The following LPP variants were observed in gnomAD, a reference collection of about 807,000 sequenced individuals.
The protein encoded by LPP is lipoma-preferred partner.
In LPP, 38 loss-of-function variants were observed where a neutral mutation model predicts 60.4. The observed-to-expected ratio is 0.63, with a 90% CI of 0.49 to 0.83. The LOEUF (loss-of-function observed/expected upper bound fraction) is 0.83. Among genes scored for constraint, LPP ranks in the 40% least tolerant of loss-of-function variants. LPP has a pLI of 0.00. For synonymous variants in LPP, 328 were observed against 290.8 expected (o/e 1.13, Z -1.30); for missense variants, 902 against 783.6 (o/e 1.15, Z -1.80).
intron 4 of LPP, among the ~76,000 whole-genome samples, chr3:188,420,134 T>G (rs901969893): frequency 2.6e-5 from 4 of 152,124 alleles, no homozygotes; most frequent in Admixed American, 2.0e-4. Context: ...ATATAGCTCA[T>G]GCTGACCATT....
intron 9 of LPP, among the ~76,000 whole-genome samples, chr3:188,769,571 G>A (rs754287653): frequency 2.0e-5 from 3 of 152,174 alleles, no homozygotes; most frequent in Non-Finnish European, 2.9e-5. Context: ...GCTTTTTAAA[G>A]TCCAGCAGGA....
intron 9 of LPP, among the ~76,000 whole-genome samples, chr3:188,813,601 A>G (rs1751673237): frequency 1.3e-5 from 2 of 152,144 alleles, no homozygotes; most frequent in Non-Finnish European, 2.9e-5. Context: ...ATTCTCTTGT[A>G]GTTGCATTAC....
intron 1 of LPP, among the ~76,000 whole-genome samples, chr3:188,175,130 AG>A (rs1368586105): frequency 2.0e-5 from 3 of 152,302 alleles, no homozygotes; most frequent in Admixed American, 2.0e-4. Flanking sequence ...TCTGTCGCTC[AG>A]CCTGGAGTGC....
At position 188,511,731 on chromosome 3, in the gene LPP, C is replaced by T. The variant is rs79708018; in HGVS notation, c.307-12934C>T. Among the ~76,000 whole-genome samples the T allele has an allele frequency of 7.9e-3, 1,202 of 152,222 alleles. 17 individuals are homozygous for T. Among genetic ancestry groups the T allele is most frequent in the African/African-American group, 0.028 (1,144 of 41,518 alleles). The stretch of plus-strand genomic sequence containing the variant: ...CAGGAATAATAACATCTACTAATCT[C>T]TAGGATTGCTGGAATAGCTCGATGA... On this transcript the variant is annotated intron_variant, in intron 5 of 11. Coordinates refer to ENST00000617246, the MANE Select transcript of LPP (RefSeq NM_001375462.1).
intron 2 of LPP, among the ~76,000 whole-genome samples, chr3:188,278,931 T>C (rs146196187): frequency 6.6e-6 from 1 of 152,356 alleles, no homozygotes; most frequent in African/African-American, 2.4e-5. Flanking sequence ...TGTATTACTT[T>C]ACATTTGTGA....
rs748223585 is a variant in LPP, at chr3:188,524,667, G to A, written c.309G>A (p.Gly103=). 9.4e-5 allele frequency: 151 copies of A among 1,612,802 alleles called. No individual in the cohort carries two copies. Among genetic ancestry groups the A allele is most frequent in the Non-Finnish European group, 1.3e-4 (149 of 1,179,508 alleles). Residue 103 remains glycine, a splice_region_variant and synonymous_variant, in exon 6 of 12, where the codon GGG becomes GGA. Coordinates refer to ENST00000617246, the MANE Select transcript of LPP (RefSeq NM_001375462.1). The part of the protein sequence containing the change: ...PLDEEAFKVQ[G]NPGGKTLEER... The stretch of plus-strand genomic sequence containing the variant: ...CATGTCTGTGTTGCTTCCAACAGGG[G>A]AATCCCGGAGGCAAGACACTTGAGG...
chr3:188,376,303 G>A (rs1231531169), intron 3 of LPP, among the ~76,000 whole-genome samples: 2 of 151,428 alleles, frequency 1.3e-5, no homozygotes, highest in African/African-American at 4.9e-5. Flanking sequence ...TTGACAGTGG[G>A]GTGTTAAAGT....
rs576940882 is a variant in LPP at position 188,833,561 on chromosome 3, G to A, written c.1411-32639G>A. 7.2e-5 allele frequency among the ~76,000 whole-genome samples: 11 copies of A among 152,272 alleles called. No individual in the cohort carries two copies. The South Asian group carries it at 2.3e-3, about 32-fold the overall frequency. ...AGCAATTAGCATCCCTCTGTCTGCA[G>A]GCAAAACTGGTTTGGACATGCTTCT... On this transcript the variant is annotated intron_variant, in intron 9 of 11. Transcript: ENST00000617246.
At chr3:188,758,585 G>C (rs1731127208) in intron 8 of LPP, among the ~76,000 whole-genome samples, 1 of 152,300 alleles carries the variant, frequency 6.6e-6, no homozygotes, top group Non-Finnish European at 1.5e-5. Context: ...AACTGGAGAG[G>C]ATTAGAAATA....
intron 4 of LPP, among the ~76,000 whole-genome samples, chr3:188,462,584 ATGCATGTGTGTGTGTG>A (rs1799330200): frequency 5.0e-5 from 1 of 20,082 alleles, no homozygotes; most frequent in African/African-American, 1.4e-4. Context: ...ATATATATAT[ATGCATGTGTGTGTGTG>A]TGTGTGTGTG....
chr3:188,756,516 C>T (rs1012711980), intron 8 of LPP, among the ~76,000 whole-genome samples: 4 of 152,162 alleles, frequency 2.6e-5, no homozygotes, highest in Non-Finnish European at 4.4e-5. Flanking sequence ...TTGTGGTGTG[C>T]TTTTAATAAT....
At chr3:188,462,590 G>T (rs1481980558) in intron 4 of LPP, among the ~76,000 whole-genome samples, 1 of 4,776 alleles carries the variant, frequency 2.1e-4, no homozygotes, top group Non-Finnish European at 3.6e-4. Flanking sequence ...ATATATGCAT[G>T]TGTGTGTGTG....
At chr3:188,479,004 G>A (rs181572494) in intron 4 of LPP, among the ~76,000 whole-genome samples, 1 of 152,010 alleles carries the variant, frequency 6.6e-6, no homozygotes, top group East Asian at 1.9e-4. Context: ...CGCTTGCCTC[G>A]ACCTCCCAAA....
At chr3:188,664,613 G>A (rs917918813) in intron 7 of LPP, among the ~76,000 whole-genome samples, 50 of 151,880 alleles carry the variant, frequency 3.3e-4, no homozygotes, top group African/African-American at 1.1e-3. Flanking sequence ...GTGTGTGTGT[G>A]TGTCTGTGTG....
intron 5 of LPP, among the ~76,000 whole-genome samples, chr3:188,495,790 A>G (rs954836302): frequency 6.6e-6 from 1 of 152,186 alleles, no homozygotes; most frequent in Non-Finnish European, 1.5e-5. Flanking sequence ...AATCCAATCA[A>G]CAGGGGCACA....
At chr3:188,240,918 G>A (rs996303303) in intron 2 of LPP, among the ~76,000 whole-genome samples, 1 of 152,060 alleles carries the variant, frequency 6.6e-6, no homozygotes, top group African/African-American at 2.4e-5. Context: ...GGCCAGTTAG[G>A]GAACATTTTG....
intron 6 of LPP, among the ~76,000 whole-genome samples, chr3:188,557,581 G>T (rs1379695265): frequency 1.3e-5 from 2 of 152,044 alleles, no homozygotes; most frequent in Non-Finnish European, 2.9e-5. Flanking sequence ...GGAGTAATAA[G>T]TTTCTAATAA....
intron 2 of LPP, among the ~76,000 whole-genome samples, chr3:188,307,775 C>G (rs1026049316): frequency 6.6e-6 from 1 of 152,150 alleles, no homozygotes; most frequent in African/African-American, 2.4e-5. Flanking sequence ...GAGATAAGCT[C>G]ATAACTGGGA....
intron 6 of LPP, among the ~76,000 whole-genome samples, chr3:188,606,907 T>C (rs946428955): frequency 5.3e-5 from 8 of 152,086 alleles, no homozygotes; most frequent in Admixed American, 5.2e-4. Flanking sequence ...AACCCAACTA[T>C]AAATGGAGAC....
Sources: gnomAD v4.1 joint callset for allele counts (sites outside exome capture counted in the v4.1 genomes callset) on GRCh38, gnomAD v4.1.1 for gene constraint, MANE v1.5 for transcripts, NCBI Gene and HGNC (gene_info 2026-07-23, HGNC 2026-07-21) for gene names.